Variants in CNTLN observed in about 807,000 individuals in gnomAD.
The protein encoded by CNTLN is centlein, also known as centlein, centrosomal protein.
A neutral mutation model predicts 180.0 loss-of-function variants in CNTLN; 212 were observed. The observed-to-expected ratio is 1.18, with a 90% CI of 1.05 to 1.32. CNTLN has a LOEUF of 1.32. Ranked by LOEUF, CNTLN falls within the 40% of genes most tolerant of loss-of-function variation. The pLI is 0.00. For missense variants in CNTLN, 2,095 were observed against 1,610.9 expected, an observed-to-expected ratio of 1.30 and a Z score of -5.14; for synonymous variants, 722 against 563.1, an observed-to-expected ratio of 1.28 and a Z score of -3.99.
In CNTLN at chr9:17,210,294, G is replaced by A. The variant is rs532427244; in HGVS notation, c.450-15909G>A. 3.0e-4 allele frequency among the ~76,000 whole-genome samples: 46 copies of A among 152,170 alleles called. 1 individual carries two copies. The highest frequency in any genetic ancestry group is 1.1e-3 in the African/African-American group (45 of 41,502). On this transcript the variant is annotated intron_variant, in intron 2 of 25. Transcript: ENST00000380647. ...TGTTCTCATTGTTCAATTCCCACCT[G>A]TGAGTGAGAACATGCGGTGTTTGGT...
At chr9:17,352,327 A>G (rs1296289875) in intron 12 of CNTLN, among the ~76,000 whole-genome samples, 2 of 150,796 alleles carry the variant, frequency 1.3e-5, no homozygotes, top group East Asian at 1.9e-4. Flanking sequence ...ATATTATCCT[A>G]GGAAAGTTCA....
chr9:17,332,771 A>T (rs1820731086), intron 10 of CNTLN, 41 bp downstream of exon 10: 2 of 1,499,292 alleles, frequency 1.3e-6, no homozygotes, highest in Non-Finnish European at 1.8e-6. Context: ...CCTTGCAAAG[A>T]TAAAAATATA....
At chr9:17,214,814 C>G (rs191353174) in intron 2 of CNTLN, among the ~76,000 whole-genome samples, 4 of 152,204 alleles carry the variant, frequency 2.6e-5, no homozygotes, top group Non-Finnish European at 5.9e-5. Context: ...GATCTTCAAT[C>G]ACTGATACCC....
At chr9:17,256,992 A>G (rs910861494) in intron 5 of CNTLN, among the ~76,000 whole-genome samples, 3 of 151,712 alleles carry the variant, frequency 2.0e-5, no homozygotes, top group African/African-American at 7.3e-5. Flanking sequence ...TTTTATTATT[A>G]TACTTTAAGT....
chr9:17,174,645 G>A (rs1270882696), intron 2 of CNTLN, among the ~76,000 whole-genome samples: 3 of 150,984 alleles, frequency 2.0e-5, no homozygotes, highest in South Asian at 2.1e-4. Context: ...GCAGTGAGCC[G>A]AGATTGTGCC....
rs113014253 is a variant in CNTLN, at chr9:17,243,150, G to A, written c.849+6562G>A. On this transcript the variant is annotated intron_variant, in intron 5 of 25. Coordinates refer to ENST00000380647, the MANE Select transcript of CNTLN (RefSeq NM_017738.4). ...TCATAGTAGCCATTAATAATCCTTT[G>A]AATTTCTGCAGTATCTGTTGTAATG... Among the ~76,000 whole-genome samples the A allele has an allele frequency of 3.0e-3, 455 of 152,124 alleles. 4 individuals carry two copies. The highest frequency in any genetic ancestry group is 0.01 in the African/African-American group (431 of 41,542).
At chr9:17,330,833 A>T (rs770116945) in intron 9 of CNTLN, 25 bp downstream of exon 9, 2 of 1,584,202 alleles carry the variant, frequency 1.3e-6, no homozygotes, top group Non-Finnish European at 1.7e-6. Flanking sequence ...TCATTTTGTG[A>T]ATTTGCCAGG....
At chr9:17,265,574 CCT>C (rs1827362569) in intron 5 of CNTLN, among the ~76,000 whole-genome samples, 1 of 151,932 alleles carries the variant, frequency 6.6e-6, no homozygotes, top group South Asian at 2.1e-4. Flanking sequence ...GGGAGGATTC[CCT>C]CTTTTTCTAT....
At chr9:17,287,468 C>CT (rs1563958775) in intron 6 of CNTLN, among the ~76,000 whole-genome samples, 2 of 150,922 alleles carry the variant, frequency 1.3e-5, no homozygotes, top group East Asian at 3.9e-4. Context: ...CTAAAATTCT[C>CT]TTTTTTGGTT....
intron 18 of CNTLN, among the ~76,000 whole-genome samples, chr9:17,425,902 C>T (rs914443845): frequency 1.3e-5 from 2 of 152,056 alleles, no homozygotes; most frequent in African/African-American, 2.4e-5. Flanking sequence ...ATAAACTGAA[C>T]AGAAATTATT....
chr9:17,204,535 T>C (rs1822778895), intron 2 of CNTLN, among the ~76,000 whole-genome samples: 2 of 152,164 alleles, frequency 1.3e-5, no homozygotes, highest in East Asian at 1.9e-4. Context: ...GCCTGCTCTT[T>C]CCTCTGGAAG....
chr9:17,387,817 T>C (rs1825795385), intron 13 of CNTLN, among the ~76,000 whole-genome samples: 1 of 151,968 alleles, frequency 6.6e-6, no homozygotes, highest in Non-Finnish European at 1.5e-5. Context: ...GTAGTGACTG[T>C]GTAGATAAAA....
At chr9:17,374,460 A>AT in intron 13 of CNTLN, among the ~76,000 whole-genome samples, 1 of 152,350 alleles carries the variant, frequency 6.6e-6, no homozygotes, top group Non-Finnish European at 1.5e-5. Flanking sequence ...AAGACAGGCA[A>AT]TAACAAATGC....
chr9:17,274,469 C>G (rs1220241893), intron 6 of CNTLN, among the ~76,000 whole-genome samples: 6 of 144,160 alleles, frequency 4.2e-5, no homozygotes, highest in South Asian at 4.8e-4. Flanking sequence ...ATCTATCTAT[C>G]TATCTATCTA....
At chr9:17,515,593 A>T in the CNTLN span, among the ~76,000 whole-genome samples, 4 of 152,038 alleles carry the variant, frequency 2.6e-5, 1 homozygote. Flanking sequence ...CTAAACTTCC[A>T]TTTTGTTAGG....
At chr9:17,326,695 T>C (rs1820315847) in intron 8 of CNTLN, among the ~76,000 whole-genome samples, 1 of 152,138 alleles carries the variant, frequency 6.6e-6, no homozygotes, top group Non-Finnish European at 1.5e-5. Context: ...TAAATCATGT[T>C]GATAGCATAT....
chr9:17,341,146 A>G (rs1821451422), intron 11 of CNTLN, among the ~76,000 whole-genome samples, 198 bp downstream of exon 11: 1 of 152,218 alleles, frequency 6.6e-6, no homozygotes, highest in African/African-American at 2.4e-5. Context: ...TTTTCCTCAC[A>G]TTTGCAGATA....
intron 16 of CNTLN, among the ~76,000 whole-genome samples, chr9:17,411,037 G>T (rs765615645): frequency 5.0e-4 from 76 of 151,902 alleles, no homozygotes; most frequent in Non-Finnish European, 9.0e-4. Flanking sequence ...AACTTTTTTT[G>T]GGATTTTGAT....
intron 8 of CNTLN, among the ~76,000 whole-genome samples, chr9:17,314,221 T>A (rs1289794282): frequency 1.3e-5 from 2 of 152,204 alleles, no homozygotes; most frequent in Non-Finnish European, 2.9e-5. Context: ...AAAATCCGTA[T>A]TTTCCTTCTC....
Sources: allele counts gnomAD v4.1 joint callset (sites outside exome capture counted in the v4.1 genomes callset), GRCh38; gene constraint gnomAD v4.1.1; transcripts MANE v1.5; gene names NCBI Gene and HGNC (gene_info 2026-07-23, HGNC 2026-07-21).